The following MAML3 variants were observed in gnomAD, a reference collection of about 807,000 sequenced individuals.
The protein encoded by MAML3 is mastermind like transcriptional coactivator 3.
MAML3 carries 27 observed loss-of-function variants against 101.9 expected under a neutral mutation model. The observed-to-expected ratio is 0.27, with a 90% CI of 0.20 to 0.37. The LOEUF is 0.37. Among genes scored for constraint, MAML3 ranks in the 10% least tolerant of loss-of-function variants. The probability of loss-of-function intolerance (pLI) is 1.00; values close to 1 mark genes in which losing one functional copy is unlikely to be tolerated. For missense variants in MAML3, 1,316 were observed against 1,444.9 expected (o/e 0.91, Z 1.45); for synonymous variants, 501 against 555.9 (o/e 0.90, Z 1.39).
At chr4:139,921,874 CA>C (rs1442897607) in intron 1 of MAML3, among the ~76,000 whole-genome samples, 2 of 152,234 alleles carry the variant, frequency 1.3e-5, no homozygotes, top group Non-Finnish European at 2.9e-5. Flanking sequence ...GCATGTTAAA[CA>C]CAGTCCTCTG....
At chr4:139,923,913 G>A (rs1733174979) in intron 1 of MAML3, among the ~76,000 whole-genome samples, 1 of 152,142 alleles carries the variant, frequency 6.6e-6, no homozygotes, top group African/African-American at 2.4e-5. Context: ...ATACATTTAT[G>A]AGACTCCCTA....
At chr4:139,839,122 A>G (rs1478294579) in intron 2 of MAML3, among the ~76,000 whole-genome samples, 3 of 152,142 alleles carry the variant, frequency 2.0e-5, no homozygotes, top group Non-Finnish European at 2.9e-5. Context: ...ATTCATGGAC[A>G]CCACTTGCCA....
rs1406696353 is a variant in MAML3 at position 139,723,886 on chromosome 4, C to T, written c.2416+1865G>A. Among the ~76,000 whole-genome samples, 4 of 152,148 alleles carry T rather than the reference C, an allele frequency of 2.6e-5. No individual in the cohort carries two copies. The East Asian group carries it at 7.7e-4, about 29-fold the overall frequency. On this transcript the variant is annotated intron_variant, in intron 4 of 4. Transcript: ENST00000509479. ...TTGTAAAAAATGCAGATTCTCAAGC[C>T]CCGCTTCAGATTTACTGAATCAGAA...
At chr4:139,946,891 A>G (rs928573539) in intron 1 of MAML3, among the ~76,000 whole-genome samples, 2 of 106,656 alleles carry the variant, frequency 1.9e-5, no homozygotes, top group Admixed American at 1.8e-4. Flanking sequence ...AGAGTAAGCC[A>G]CACACACACA....
intron 2 of MAML3, among the ~76,000 whole-genome samples, chr4:139,760,710 C>G (rs928367469): frequency 1.3e-5 from 2 of 152,158 alleles, no homozygotes; most frequent in Non-Finnish European, 1.5e-5. Flanking sequence ...ATATTCTATA[C>G]CCATCAGAAG....
intron 2 of MAML3, among the ~76,000 whole-genome samples, chr4:139,801,686 G>C (rs370375124): frequency 2.0e-5 from 3 of 150,558 alleles, no homozygotes; most frequent in East Asian, 1.9e-4. Flanking sequence ...GTGTGTCTGT[G>C]TGTGTGTGTC....
At chr4:139,772,080 A>G (rs1468812095) in intron 2 of MAML3, among the ~76,000 whole-genome samples, 2 of 151,386 alleles carry the variant, frequency 1.3e-5, no homozygotes, top group East Asian at 2.0e-4. Context: ...CTCTACTAAA[A>G]ATACAAAAAA....
chr4:139,873,496 C>T (rs1051355025), intron 2 of MAML3, among the ~76,000 whole-genome samples: 9 of 152,232 alleles, frequency 5.9e-5, no homozygotes, highest in African/African-American at 2.2e-4. Context: ...TCCCTCTCTC[C>T]TGGAGTGTGG....
intron 1 of MAML3, among the ~76,000 whole-genome samples, chr4:139,892,120 A>C (rs1578650828): frequency 6.6e-6 from 1 of 152,256 alleles, no homozygotes; most frequent in East Asian, 1.9e-4. Flanking sequence ...GGCTGGGTAC[A>C]TTGTTTTGGG....
intron 1 of MAML3, among the ~76,000 whole-genome samples, chr4:140,108,501 G>C (rs60388760): frequency 0.037 from 5,558 of 151,186 alleles, 282 homozygotes; most frequent in African/African-American, 0.12. Context: ...TCTTGGTTTT[G>C]TCAAGGATCT....
At chr4:140,144,944 G>A (rs1254904144) in intron 1 of MAML3, among the ~76,000 whole-genome samples, 4 of 152,136 alleles carry the variant, frequency 2.6e-5, no homozygotes, top group Non-Finnish European at 5.9e-5. Context: ...CAATCGCTGA[G>A]CTACTTTCAG....
At chr4:139,836,150 C>T (rs1196450315) in intron 2 of MAML3, among the ~76,000 whole-genome samples, 5 of 152,190 alleles carry the variant, frequency 3.3e-5, no homozygotes, top group African/African-American at 1.2e-4. Context: ...TGTCTCTTCA[C>T]TTTCACGGCA....
In MAML3 at chr4:140,137,029, C is replaced by A. The variant is rs1228016641; in HGVS notation, c.468+15831G>T. The stretch of plus-strand genomic sequence containing the variant: ...TTTGAGACGGAGTCTCGTTCTTTCG[C>A]CCAGGCTGGACTGCAGTGGCGCTAT... On this transcript the variant is annotated intron_variant, in intron 1 of 4. Transcript: ENST00000509479. 1.1e-4 allele frequency among the ~76,000 whole-genome samples: 17 copies of A among 152,382 alleles called. No homozygotes were observed. The South Asian group carries it at 3.5e-3, about 32-fold the overall frequency.
At chr4:140,143,802 A>G (rs1729013806) in intron 1 of MAML3, among the ~76,000 whole-genome samples, 1 of 152,146 alleles carries the variant, frequency 6.6e-6, no homozygotes, top group Admixed American at 6.5e-5. Context: ...GCAAGAAGAG[A>G]TAACAATCAT....
rs538050791 is a variant in MAML3, at chr4:140,122,766, T to C, written c.468+30094A>G. Among the ~76,000 whole-genome samples the C allele has an allele frequency of 4.4e-3, 532 of 121,440 alleles. 1 individual carries two copies. Among genetic ancestry groups the C allele is most frequent in the Non-Finnish European group, 6.2e-3 (389 of 62,400 alleles). 79.7% of individuals were successfully genotyped at this position (121,440 alleles called of 152,430 possible). ...GAGATCCCGCCACTGCACTCCAGCC[T>C]GGGCGACAGAGCGAGACTCCGTCTC... On this transcript the variant is annotated intron_variant, in intron 1 of 4. Transcript: ENST00000509479.
intron 1 of MAML3, among the ~76,000 whole-genome samples, chr4:139,948,243 G>A (rs1180775925): frequency 6.6e-6 from 1 of 152,090 alleles, no homozygotes; most frequent in African/African-American, 2.4e-5. Flanking sequence ...AGATTTACAG[G>A]AAGCAAACAC....
At chr4:139,798,224 C>T (rs1560797641) in intron 2 of MAML3, among the ~76,000 whole-genome samples, 1 of 152,100 alleles carries the variant, frequency 6.6e-6, no homozygotes, top group African/African-American at 2.4e-5. Context: ...AGAAAAAAAT[C>T]ACTTACGCTT....
chr4:139,894,304 A>G (rs946441936), intron 1 of MAML3, among the ~76,000 whole-genome samples: 1 of 152,096 alleles, frequency 6.6e-6, no homozygotes, highest in Non-Finnish European at 1.5e-5. Context: ...AGGTCAAGAG[A>G]TTGAGACCAT....
rs71593735 is a variant in MAML3 at position 139,988,020 on chromosome 4, CAAAAAA to C, written c.469-97059_469-97054del. On this transcript the variant is annotated intron_variant, in intron 1 of 4. Transcript: ENST00000509479. The stretch of plus-strand genomic sequence containing the variant: ...CTGGCAACACAGCAAAACTCCGTCT[CAAAAAA>C]AAAAAAAAAAAAAAAAGGAAGAAAG... 1.9e-4 allele frequency among the ~76,000 whole-genome samples: 6 copies of C among 31,440 alleles called. No individual in the cohort carries two copies. The East Asian group carries it at 4.0e-3, about 21-fold the overall frequency. The allele number at this position is 31,440 out of a possible 152,430, so 20.6% of individuals were successfully genotyped here. A position where few individuals can be genotyped will look rare whatever the true frequency, so the allele number is the denominator to read the frequency against.
Sources: allele counts gnomAD v4.1 joint callset (sites outside exome capture counted in the v4.1 genomes callset), GRCh38; gene constraint gnomAD v4.1.1; transcripts MANE v1.5; gene names NCBI Gene and HGNC (gene_info 2026-07-23, HGNC 2026-07-21).